Variants in SETD3 observed in about 807,000 individuals in gnomAD.
The protein encoded by SETD3 is actin-histidine N-methyltransferase.
In SETD3, 19 loss-of-function variants were observed where a neutral mutation model predicts 63.0. The observed-to-expected ratio is 0.30, with a 90% CI of 0.21 to 0.44. The LOEUF (loss-of-function observed/expected upper bound fraction) is 0.44. SETD3 is among the 20% of genes least tolerant of loss of function. The pLI, the probability that SETD3 is intolerant of heterozygous loss-of-function variation, is 1.00. For synonymous variants in SETD3, 286 were observed against 264.1 expected (o/e 1.08, Z -0.80); for missense variants, 587 against 728.5 (o/e 0.81, Z 2.24).
intron 1 of SETD3, among the ~76,000 whole-genome samples, chr14:99,471,181 T>C (rs527882042): frequency 7.9e-5 from 12 of 152,288 alleles, no homozygotes; most frequent in Admixed American, 2.6e-4. Flanking sequence ...ATATTACCCA[T>C]AGGATCTAAT....
intron 1 of SETD3, among the ~76,000 whole-genome samples, 197 bp downstream of exon 1, chr14:99,480,531 G>A (rs1301451126): frequency 6.6e-6 from 1 of 150,690 alleles, no homozygotes; most frequent in African/African-American, 2.4e-5. Context: ...GGCCCTCCTC[G>A]CCCTGGCCCC....
chr14:99,413,377 C>G (rs894529890), intron 7 of SETD3: 6 of 306,258 alleles, frequency 2.0e-5, no homozygotes, highest in Non-Finnish European at 3.0e-5. Flanking sequence ...CCGACACCCC[C>G]CAACCCAACC....
At chr14:99,428,452 C>A (rs1893001598) in intron 6 of SETD3, among the ~76,000 whole-genome samples, 1 of 152,124 alleles carries the variant, frequency 6.6e-6, no homozygotes, top group East Asian at 1.9e-4. Flanking sequence ...CGAGATCAGC[C>A]TGGGCAGCAG....
At chr14:99,485,113 G>A (rs1158578101), upstream of SETD3, among the ~76,000 whole-genome samples, 1 of 152,202 alleles carries the variant, frequency 6.6e-6, no homozygotes. Context: ...CTACGATTTT[G>A]AGGACTGTCT....
chr14:99,451,464 A>G (rs962263944), intron 6 of SETD3, among the ~76,000 whole-genome samples: 5 of 152,204 alleles, frequency 3.3e-5, no homozygotes, highest in African/African-American at 1.2e-4. Flanking sequence ...AAGCTGCAGT[A>G]TGATGTTTCA....
At chr14:99,450,814 A>C (rs11160520) in intron 6 of SETD3, among the ~76,000 whole-genome samples, 148,270 of 152,274 alleles carry the variant, frequency 0.97, 72,301 homozygotes, top group East Asian at 1. Flanking sequence ...TAGTAGTAAT[A>C]AATTTAATAG....
intron 6 of SETD3, among the ~76,000 whole-genome samples, chr14:99,440,774 G>A (rs1270396006): frequency 1.3e-5 from 2 of 151,352 alleles, no homozygotes; most frequent in Non-Finnish European, 2.9e-5. Context: ...ACAGTGTTGT[G>A]GGAGTATATT....
Position 99,434,867 on chromosome 14 carries a change from AAAAAAAAAAC to A in SETD3, c.676-20943_676-20934del, listed in dbSNP as rs1371367440. 2.9e-4 allele frequency among the ~76,000 whole-genome samples: 44 copies of A among 150,448 alleles called. 1 individual carries two copies. The highest frequency in any genetic ancestry group is 1.1e-3 in the African/African-American group (43 of 40,870). On this transcript the variant is annotated intron_variant, in intron 6 of 12. Coordinates refer to ENST00000331768, the MANE Select transcript of SETD3 (RefSeq NM_032233.3). ...TGCCTCAAAAAAAAAAAAAAAAAAA[AAAAAAAAAAC>A]AACCTACATTTAATATACATGTATT...
chr14:99,477,187 GA>G (rs996828768), intron 1 of SETD3, among the ~76,000 whole-genome samples: 12 of 148,818 alleles, frequency 8.1e-5, no homozygotes, highest in African/African-American at 1.7e-4. Flanking sequence ...CTTGATAGAA[GA>G]AAAAAAAAAT....
intron 6 of SETD3, among the ~76,000 whole-genome samples, chr14:99,457,316 A>G (rs1166501406): frequency 5.3e-5 from 8 of 152,220 alleles, no homozygotes; most frequent in Non-Finnish European, 8.8e-5. Context: ...ATAATTTTTG[A>G]CATATTTGAA....
chr14:99,413,192 G>C (rs1451744333), intron 7 of SETD3, 127 bp from the exon 8 acceptor site: 6 of 616,604 alleles, frequency 9.7e-6, no homozygotes, highest in Admixed American at 2.9e-5. Context: ...AAGTAACAAA[G>C]GTAATGTTTG....
chr14:99,444,614 A>G (rs1595218374), intron 6 of SETD3, among the ~76,000 whole-genome samples: 1 of 152,214 alleles, frequency 6.6e-6, no homozygotes, highest in Admixed American at 6.5e-5. Flanking sequence ...ATCCCTGCAC[A>G]TTGGGAGGCC....
intron 1 of SETD3, among the ~76,000 whole-genome samples, chr14:99,470,571 C>T (rs1271863303): frequency 6.6e-6 from 1 of 152,192 alleles, no homozygotes; most frequent in African/African-American, 2.4e-5. Flanking sequence ...TTCCAGGGCT[C>T]TTCCAGTAAG....
At chr14:99,409,096 G>A (rs747402780) in intron 8 of SETD3, among the ~76,000 whole-genome samples, 6 of 152,166 alleles carry the variant, frequency 3.9e-5, no homozygotes, top group South Asian at 2.1e-4. Flanking sequence ...GCAGCCACCC[G>A]ATGTCAAGCA....
chr14:99,440,626 C>A (rs1007406013), intron 6 of SETD3, among the ~76,000 whole-genome samples: 1 of 151,518 alleles, frequency 6.6e-6, no homozygotes, highest in African/African-American at 2.4e-5. Flanking sequence ...GGAGCTTGTG[C>A]GTTTAAAGCA....
At chr14:99,411,539 T>A (rs1171027865) in intron 8 of SETD3, 1 of 152,132 alleles carries the variant, frequency 6.6e-6, no homozygotes, top group Non-Finnish European at 1.5e-5. Flanking sequence ...ATTCTTTTTG[T>A]TTGTTTAGAG....
intron 4 of SETD3, among the ~76,000 whole-genome samples, chr14:99,460,436 C>G (rs1230904278): frequency 2.6e-5 from 4 of 152,054 alleles, no homozygotes; most frequent in African/African-American, 4.8e-5. Flanking sequence ...ACAGGCAGAG[C>G]TGGATCCCCA....
intron 6 of SETD3, among the ~76,000 whole-genome samples, chr14:99,448,710 C>T (rs1167814774): frequency 6.6e-6 from 1 of 152,146 alleles, no homozygotes; most frequent in East Asian, 1.9e-4. Context: ...AGCTCATACC[C>T]CTCAGTCAGC....
intron 2 of SETD3, among the ~76,000 whole-genome samples, chr14:99,464,723 T>G (rs990000253): frequency 5.3e-5 from 8 of 152,248 alleles, no homozygotes; most frequent in Non-Finnish European, 7.3e-5. Flanking sequence ...AAGGCACTAA[T>G]TGCACCAATT....
Sources: allele counts gnomAD v4.1 joint callset (sites outside exome capture counted in the v4.1 genomes callset), GRCh38; gene constraint gnomAD v4.1.1; transcripts MANE v1.5; gene names NCBI Gene and HGNC (gene_info 2026-07-23, HGNC 2026-07-21).